Variants in NPAS3 observed in about 807,000 individuals in gnomAD.
NPAS3 encodes the protein neuronal PAS domain protein 3, also known as neuronal PAS domain-containing protein 3.
A neutral mutation model predicts 73.1 loss-of-function variants in NPAS3; 14 were observed. The observed-to-expected ratio is 0.19, with a 90% CI of 0.13 to 0.30. NPAS3 has a LOEUF of 0.30. Among genes scored for constraint, NPAS3 ranks in the 10% least tolerant of loss-of-function variants. NPAS3 has a pLI of 1.00. For missense variants in NPAS3, 1,096 were observed against 1,250.0 expected, an observed-to-expected ratio of 0.88 and a Z score of 1.86; for synonymous variants, 620 against 541.5, an observed-to-expected ratio of 1.14 and a Z score of -2.01.
chr14:33,350,639 C>T (rs193035165), intron 3 of NPAS3, among the ~76,000 whole-genome samples: 1 of 152,200 alleles, frequency 6.6e-6, no homozygotes, highest in African/African-American at 2.4e-5. Context: ...CAACTACTAG[C>T]GGAGGCCTGA....
chr14:33,002,016 T>C (rs572600145), intron 1 of NPAS3, among the ~76,000 whole-genome samples: 1 of 152,322 alleles, frequency 6.6e-6, no homozygotes, highest in East Asian at 1.9e-4. Context: ...GAGAATGTAT[T>C]ATTTTGTACA....
chr14:32,943,974 G>A (rs2036147153), intron 1 of NPAS3, among the ~76,000 whole-genome samples: 1 of 152,196 alleles, frequency 6.6e-6, no homozygotes, highest in African/African-American at 2.4e-5. Flanking sequence ...ACAGGCGTGA[G>A]CCACTGTGCC....
chr14:33,708,908 A>C (rs2060738350), intron 6 of NPAS3, among the ~76,000 whole-genome samples: 1 of 152,158 alleles, frequency 6.6e-6, no homozygotes. Flanking sequence ...TGCAGAGGCT[A>C]GCTTTTCTGC....
At chr14:33,754,153 C>T (rs542650423) in intron 7 of NPAS3, among the ~76,000 whole-genome samples, 29 of 152,282 alleles carry the variant, frequency 1.9e-4, no homozygotes, top group Admixed American at 5.9e-4. Context: ...AAAGAAGCTG[C>T]ATTACAGACA....
intron 5 of NPAS3, among the ~76,000 whole-genome samples, chr14:33,596,928 G>T (rs1451308104): frequency 6.6e-6 from 1 of 152,184 alleles, no homozygotes; most frequent in African/African-American, 2.4e-5. Context: ...AGTGGACAGG[G>T]GCCAGATCTA....
intron 4 of NPAS3, among the ~76,000 whole-genome samples, chr14:33,373,386 A>ATGTG (rs5807721): frequency 0.098 from 14,468 of 147,108 alleles, 735 homozygotes; most frequent in Admixed American, 0.13. Flanking sequence ...ATTGAACTAT[A>ATGTG]TGTGTGTGTG....
intron 2 of NPAS3, among the ~76,000 whole-genome samples, chr14:33,109,545 T>C (rs34174098): frequency 0.37 from 55,693 of 151,874 alleles, 10,507 homozygotes; most frequent in African/African-American, 0.45. Flanking sequence ...TTTACATCTT[T>C]GGTAAAATAC....
Position 33,144,282 on chromosome 14 carries a change from TG to T in NPAS3, c.141-70898del, listed in dbSNP as rs140005067. Reference sequence around the variant, plus strand: ...ATGGATGTGAAGTGGGACCTCATTGTGGTTTTGATTTGTGCTTCCGTAGTGA... The same window carrying T: ...ATGGATGTGAAGTGGGACCTCATTGTGTTTTGATTTGTGCTTCCGTAGTGA... On this transcript the variant is annotated intron_variant, in intron 2 of 11. Coordinates refer to ENST00000356141, the Ensembl canonical transcript of NPAS3. Among the ~76,000 whole-genome samples, 1,454 of 152,358 alleles carry T rather than the reference TG, an allele frequency of 9.5e-3. 25 individuals are homozygous for T. Among genetic ancestry groups the T allele is most frequent in the African/African-American group, 0.032 (1,323 of 41,582 alleles).
intron 2 of NPAS3, among the ~76,000 whole-genome samples, chr14:33,194,734 A>C (rs1454627737): frequency 6.6e-6 from 1 of 152,168 alleles, no homozygotes; most frequent in Non-Finnish European, 1.5e-5. Flanking sequence ...TGAATAAGTA[A>C]AAAAGGCATG....
intron 5 of NPAS3, among the ~76,000 whole-genome samples, chr14:33,649,656 G>C (rs1287741806): frequency 6.6e-6 from 1 of 152,172 alleles, no homozygotes; most frequent in Non-Finnish European, 1.5e-5. Flanking sequence ...GAAGAAGTGA[G>C]CTGAATTTTA....
intron 1 of NPAS3, among the ~76,000 whole-genome samples, chr14:33,043,409 G>C (rs968095368): frequency 3.9e-5 from 6 of 152,052 alleles, no homozygotes; most frequent in African/African-American, 1.4e-4. Context: ...GAATTGTTGT[G>C]TAACAAGACT....
At chr14:33,203,836 C>T (rs2046716628) in intron 2 of NPAS3, among the ~76,000 whole-genome samples, 1 of 152,116 alleles carries the variant, frequency 6.6e-6, no homozygotes, top group African/African-American at 2.4e-5. Context: ...GGGTATATAA[C>T]CAGTAATGGG....
chr14:33,113,779 A>T (rs570062681), intron 2 of NPAS3, among the ~76,000 whole-genome samples: 93 of 152,274 alleles, frequency 6.1e-4, no homozygotes, highest in African/African-American at 2.2e-3. Context: ...GTTTTTGCCC[A>T]TTCAGTGTGA....
intron 2 of NPAS3, among the ~76,000 whole-genome samples, chr14:33,097,226 T>TA (rs139080278): frequency 0.046 from 6,756 of 148,448 alleles, 289 homozygotes; most frequent in African/African-American, 0.11. Flanking sequence ...AAAAAATTGG[T>TA]AAAAAAAAAA....
At chr14:32,976,375 G>A (rs941449708) in intron 1 of NPAS3, among the ~76,000 whole-genome samples, 2 of 152,126 alleles carry the variant, frequency 1.3e-5, no homozygotes, top group Non-Finnish European at 1.5e-5. Flanking sequence ...AGGAAATAAT[G>A]AAACTTCTGT....
At chr14:33,557,470 T>C (rs2055412300) in intron 4 of NPAS3, among the ~76,000 whole-genome samples, 1 of 152,228 alleles carries the variant, frequency 6.6e-6, no homozygotes, top group Non-Finnish European at 1.5e-5. Flanking sequence ...AGGCTGCCTC[T>C]TAGGGTAAAT....
At chr14:33,202,555 C>T (rs61972683) in intron 2 of NPAS3, among the ~76,000 whole-genome samples, 1 of 151,918 alleles carries the variant, frequency 6.6e-6, no homozygotes, top group East Asian at 1.9e-4. Context: ...GAGGACTGAG[C>T]CTTTTTTTTA....
intron 2 of NPAS3, among the ~76,000 whole-genome samples, chr14:33,069,404 A>G (rs2041402387): frequency 6.6e-6 from 1 of 152,212 alleles, no homozygotes. Context: ...TATTCAGTCC[A>G]CAAACTTTTA....
At chr14:33,376,961 G>T (rs946203059) in intron 4 of NPAS3, among the ~76,000 whole-genome samples, 1 of 152,124 alleles carries the variant, frequency 6.6e-6, no homozygotes, top group Non-Finnish European at 1.5e-5. Flanking sequence ...AGAATAATGT[G>T]CGAGTTTTTA....
Sources: gnomAD v4.1 joint callset for allele counts (sites outside exome capture counted in the v4.1 genomes callset) on GRCh38, gnomAD v4.1.1 for gene constraint, MANE v1.5 for transcripts, NCBI Gene and HGNC (gene_info 2026-07-23, HGNC 2026-07-21) for gene names.